Variants in TERF1 observed in about 807,000 individuals in gnomAD.
TERF1 encodes telomeric repeat-binding factor 1.
TERF1 carries 20 observed loss-of-function variants against 55.1 expected under a neutral mutation model. The observed-to-expected ratio is 0.36, with a 90% CI of 0.26 to 0.53. The LOEUF (loss-of-function observed/expected upper bound fraction) is 0.53. TERF1 is among the 20% of genes least tolerant of loss of function. TERF1 has a pLI of 0.91. For missense variants in TERF1, 439 were observed against 535.7 expected (o/e 0.82, Z 1.78); for synonymous variants, 168 against 181.2 (o/e 0.93, Z 0.59).
intron 8 of TERF1, among the ~76,000 whole-genome samples, chr8:73,036,251 G>T (rs566768353): frequency 3.3e-5 from 5 of 152,180 alleles, no homozygotes; most frequent in Non-Finnish European, 7.4e-5. Context: ...TCATGTTGTG[G>T]TTTCCTTGAC....
chr8:73,015,993 A>AC (rs1203133989), intron 2 of TERF1, among the ~76,000 whole-genome samples: 1 of 152,164 alleles, frequency 6.6e-6, no homozygotes, highest in East Asian at 1.9e-4. Flanking sequence ...CATGGCTCAC[A>AC]CCTGTAATCC....
At chr8:73,039,433 G>A (rs973854844) in intron 9 of TERF1, among the ~76,000 whole-genome samples, 1 of 152,086 alleles carries the variant, frequency 6.6e-6, no homozygotes, top group African/African-American at 2.4e-5. Context: ...TTGGGTGTTG[G>A]TACTGACATC....
chr8:73,042,257 G>A (rs1809864083), intron 9 of TERF1, among the ~76,000 whole-genome samples: 1 of 152,082 alleles, frequency 6.6e-6, no homozygotes, highest in Non-Finnish European at 1.5e-5. Context: ...GAAAACAGTT[G>A]TTTCTCTTCT....
At position 73,030,403 on chromosome 8, in the gene TERF1, A is replaced by C. The variant is rs941328799; in HGVS notation, c.947+8A>C. 2.7e-6 allele frequency: 4 copies of C among 1,479,840 alleles called. No individual in the cohort carries two copies. In the African/African-American group the frequency reaches 4.4e-5, roughly 16 times the overall value. The allele number at this position is 1,479,840 out of a possible 1,614,324, so 91.7% of individuals were successfully genotyped here. A position where few individuals can be genotyped will look rare whatever the true frequency, so the allele number is the denominator to read the frequency against. ...TACAGTATCCTTATTGAGGTGAAGT[A>C]AATTGACGTTTTTCTTCTTTGTCTT... On this transcript the variant is annotated splice_region_variant and intron_variant, in intron 7 of 9. Coordinates refer to ENST00000276603, the MANE Select transcript of TERF1 (RefSeq NM_017489.3).
chr8:73,037,607 TTATTATATA>T (rs529392823), intron 8 of TERF1, among the ~76,000 whole-genome samples: 1,136 of 104,236 alleles, frequency 0.011, 38 homozygotes, highest in African/African-American at 0.043. Flanking sequence ...TATCATAAAT[TTATTATATA>T]TATTATATAT....
At chr8:73,042,957 C>T (rs996477240) in intron 9 of TERF1, 1 of 152,058 alleles carries the variant, frequency 6.6e-6, no homozygotes, top group African/African-American at 2.4e-5. Flanking sequence ...TTAAACTCTT[C>T]CCTTAATTAT....
rs750848681 is a variant in TERF1, at chr8:73,030,415, T to C, written c.947+20T>C. On this transcript the variant is annotated intron_variant, in intron 7 of 9. Transcript: ENST00000276603. Reference sequence around the variant, plus strand: ...ATTGAGGTGAAGTAAATTGACGTTTTTCTTCTTTGTCTTTCAAATCTTTGA... The same window carrying C: ...ATTGAGGTGAAGTAAATTGACGTTTCTCTTCTTTGTCTTTCAAATCTTTGA... The C allele has an allele frequency of 6.9e-7, 1 of 1,442,862 alleles. No homozygotes were observed. Among genetic ancestry groups the C allele is most frequent in the African/African-American group, 1.5e-5 (1 of 67,590 alleles). The allele number at this position is 1,442,862 out of a possible 1,614,324, so 89.4% of individuals were successfully genotyped here.
intron 8 of TERF1, chr8:73,038,781 T>C: frequency 1.0e-6 from 1 of 968,606 alleles, no homozygotes; most frequent in Non-Finnish European, 1.2e-6. Flanking sequence ...TTCTTAGTAC[T>C]CCTAAAACAT....
At chr8:73,019,561 T>C (rs1244689149) in intron 2 of TERF1, among the ~76,000 whole-genome samples, 1 of 152,182 alleles carries the variant, frequency 6.6e-6, no homozygotes, top group Non-Finnish European at 1.5e-5. Flanking sequence ...TATTTGTTTT[T>C]TCAAGACAAG....
At chr8:73,032,871 G>C (rs1415991554) in intron 8 of TERF1, among the ~76,000 whole-genome samples, 3 of 151,808 alleles carry the variant, frequency 2.0e-5, no homozygotes, top group Admixed American at 2.0e-4. Flanking sequence ...CTGATACTGA[G>C]ATTTTTTTTT....
chr8:73,032,118 G>C lies in TERF1; in HGVS notation c.1024G>C (p.Val342Leu). ...QQDLNKKERR[V>L]GTPQSTKKKK... ...AGACCTTAATAAGAAAGAAAGAAGA[G>C]TAGGAACTCCTCAAAGTGAGTACTG... The change falls in exon 8 of 10, where the codon GTA becomes CTA. Residue 342 changes from valine (V) to leucine (L), a missense_variant. By Grantham distance (32) the Val-to-Leu change is conservative. Around this residue, in one of 4 missense-constraint regions of TERF1, gnomAD observed 140 missense variants for 158.6 expected, o/e 0.88. Transcript: ENST00000276603. 6.2e-7 allele frequency: 1 copy of C among 1,610,712 alleles called. No individual in the cohort carries two copies. The highest frequency in any genetic ancestry group is 8.5e-7 in the Non-Finnish European group (1 of 1,178,606).
chr8:73,024,860 A>C lies in TERF1; in HGVS notation c.663A>C (p.Lys221Asn). 1 of 1,588,266 alleles carries C rather than the reference A, an allele frequency of 6.3e-7. No homozygotes were observed. ...AATTGCTTATGATAATCTCTCAGAA[A>C]GATACATTTCATTCCTTTTTTCAAC... is the stretch of plus-strand genomic sequence containing the variant. ...KSKLLMIISQ[K>N]DTFHSFFQHF... Residue 221 changes from lysine to asparagine, a missense_variant, in exon 5 of 10, where the codon AAA becomes AAC. Physicochemically the swap from Lys to Asn is moderately conservative, Grantham distance 94. Transcript: ENST00000276603.
At chr8:73,031,995 T>A (rs1361851696) in intron 7 of TERF1, 47 bp from the exon 8 acceptor site, 1 of 1,337,832 alleles carries the variant, frequency 7.5e-7, no homozygotes, top group Non-Finnish European at 1.1e-6. Flanking sequence ...TTCCATTGCC[T>A]TACTATCTTT....
chr8:73,027,185 T>C (rs1809047612), intron 6 of TERF1, 133 bp downstream of exon 6: 2 of 670,596 alleles, frequency 3.0e-6, no homozygotes, highest in Admixed American at 5.9e-5. Context: ...ATTTAGGTAT[T>C]TGAAGTACTG....
chr8:73,026,240 G>A (rs1273963914), intron 5 of TERF1, among the ~76,000 whole-genome samples: 3 of 148,738 alleles, frequency 2.0e-5, no homozygotes, highest in Non-Finnish European at 4.4e-5. Context: ...ACTCACGCCT[G>A]TAATCCCAGC....
intron 9 of TERF1, among the ~76,000 whole-genome samples, chr8:73,040,002 T>A (rs991485607): frequency 5.5e-5 from 1 of 18,126 alleles, no homozygotes; most frequent in African/African-American, 3.1e-4. Flanking sequence ...CGAAGGTGCC[T>A]TTTTTTTTTT....
intron 8 of TERF1, among the ~76,000 whole-genome samples, chr8:73,038,315 A>G (rs544057695): frequency 1.3e-5 from 2 of 151,944 alleles, no homozygotes; most frequent in Non-Finnish European, 2.9e-5. Flanking sequence ...TTAGTCGGGC[A>G]TGGCGGCCGG....
intron 6 of TERF1, 104 bp from the exon 7 acceptor site, chr8:73,030,232 T>C: frequency 1.4e-6 from 1 of 732,726 alleles, no homozygotes; most frequent in Non-Finnish European, 2.2e-6. Flanking sequence ...CTTTCCAAAG[T>C]TATTTTTTTA....
intron 1 of TERF1, chr8:73,010,629 C>T (rs995887902): frequency 1.3e-5 from 2 of 152,188 alleles, no homozygotes; most frequent in Non-Finnish European, 2.9e-5. Context: ...AAAGACCTCA[C>T]TTGGCTTTAT....
Sources: allele counts gnomAD v4.1 joint callset (sites outside exome capture counted in the v4.1 genomes callset), GRCh38; gene constraint gnomAD v4.1.1; regional missense constraint gnomAD v4.1.1; transcripts MANE v1.5; gene names NCBI Gene and HGNC (gene_info 2026-07-23, HGNC 2026-07-21).